PDIA4: variants seen among roughly 807,000 people sequenced by gnomAD.
PDIA4 encodes the protein protein disulfide isomerase family A member 4, also known as protein disulfide-isomerase A4.
PDIA4 carries 33 observed loss-of-function variants against 62.1 expected under a neutral mutation model. The observed-to-expected ratio is 0.53, with a 90% CI of 0.40 to 0.71. The LOEUF is 0.71. Among genes scored for constraint, PDIA4 ranks in the 30% least tolerant of loss-of-function variants. The pLI is 0.00. For missense variants in PDIA4, 804 were observed against 813.6 expected (o/e 0.99, Z 0.14); for synonymous variants, 341 against 324.1 (o/e 1.05, Z -0.56).
rs1259076513 is a variant in PDIA4, at chr7:149,003,944, C to G, written c.1788G>C (p.Lys596Asn). 1.9e-6 allele frequency: 3 copies of G among 1,613,742 alleles called. No individual in the cohort carries two copies. Among genetic ancestry groups the G allele is most frequent in the Non-Finnish European group, 2.5e-6 (3 of 1,179,710 alleles). ...TANDVPSDRY[K>N]VEGFPTIYFA... ...AGTAGATGGTGGGGAAGCCCTCCAC[C>G]TTATAGCGGTCGCTGGGGACGTCGT... is the stretch of plus-strand genomic sequence containing the variant. Residue 596 changes from lysine to asparagine, a missense_variant, in exon 10 of 10, where the codon AAG becomes AAC. Coordinates refer to ENST00000652332, the MANE Select transcript of PDIA4 (RefSeq NM_004911.5).
At chr7:149,008,352 T>A (rs961168726) in intron 6 of PDIA4, 42 bp from the exon 7 acceptor site, 1 of 1,583,142 alleles carries the variant, frequency 6.3e-7, no homozygotes, top group Non-Finnish European at 8.6e-7. Flanking sequence ...GAAAATTGCC[T>A]AAATGTCTGA....
intron 3 of PDIA4, among the ~76,000 whole-genome samples, chr7:149,018,135 A>G (rs1444073710): frequency 2.0e-5 from 3 of 152,112 alleles, no homozygotes; most frequent in Admixed American, 2.0e-4. Flanking sequence ...AGCCTGAGGC[A>G]GAAGAATCGC....
chr7:149,021,233 G>A (rs190197492), intron 1 of PDIA4, 86 bp from the exon 2 acceptor site: 9 of 1,375,604 alleles, frequency 6.5e-6, no homozygotes, highest in Non-Finnish European at 8.9e-6. Context: ...GCTCACACTT[G>A]TAATCCCAGC....
chr7:149,014,278 C>T (rs1824052419), intron 4 of PDIA4, among the ~76,000 whole-genome samples: 1 of 152,090 alleles, frequency 6.6e-6, no homozygotes, highest in Non-Finnish European at 1.5e-5. Flanking sequence ...CAAAAGCTTC[C>T]TCTGCTTACT....
intron 4 of PDIA4, among the ~76,000 whole-genome samples, chr7:149,014,052 T>TC (rs1824043403): frequency 6.6e-6 from 1 of 152,156 alleles, no homozygotes; most frequent in Non-Finnish European, 1.5e-5. Flanking sequence ...CCAGATCATT[T>TC]CCTTCTCTAA....
intron 1 of PDIA4, among the ~76,000 whole-genome samples, chr7:149,022,312 A>C (rs1824380641): frequency 6.6e-6 from 1 of 152,232 alleles, no homozygotes; most frequent in African/African-American, 2.4e-5. Flanking sequence ...ACATGTATCA[A>C]AAATCACACC....
chr7:149,010,823 G>A lies in PDIA4; in HGVS notation c.979+1023C>T, dbSNP rs141557909. Among the ~76,000 whole-genome samples the A allele has an allele frequency of 5.7e-4, 87 of 152,298 alleles. 2 individuals are homozygous for A. The highest frequency in any genetic ancestry group is 1.9e-3 in the African/African-American group (79 of 41,566). ...TAGGAATGTGGTGCCAGGCCTGCCT[G>A]GGACCCACAGCACTGGAACCTGCAT... On this transcript the variant is annotated intron_variant, in intron 6 of 9. Transcript: ENST00000652332.
intron 4 of PDIA4, among the ~76,000 whole-genome samples, chr7:149,014,222 C>A (rs1178508423): frequency 6.6e-6 from 1 of 152,188 alleles, no homozygotes; most frequent in Non-Finnish European, 1.5e-5. Flanking sequence ...CCACCCACCC[C>A]CCGGCCTGTG....
chr7:149,006,724 G>T (rs1823770011), intron 7 of PDIA4, among the ~76,000 whole-genome samples: 1 of 152,228 alleles, frequency 6.6e-6, no homozygotes, highest in South Asian at 2.1e-4. Flanking sequence ...GACAGCACTG[G>T]AGGGTGGGAT....
Position 149,012,279 on chromosome 7 carries a change from C to T in PDIA4, c.696G>A (p.Leu232=). Residue 232 remains leucine (L), a synonymous_variant, in exon 5 of 10, where the codon CTG becomes CTA. Coordinates refer to ENST00000652332, the MANE Select transcript of PDIA4 (RefSeq NM_004911.5). The part of the protein sequence containing the change: ...ELSKRSPPIP[L]AKVDATAETD... ...TTTCTGCGGTGGCGTCGACCTTTGC[C>T]AGGGGAATTGGAGGAGAACGCTTGC... 3 of 1,614,106 alleles carry T rather than the reference C, an allele frequency of 1.9e-6. No homozygotes were observed. Among genetic ancestry groups the T allele is most frequent in the Non-Finnish European group, 2.5e-6 (3 of 1,180,010 alleles).
intron 3 of PDIA4, among the ~76,000 whole-genome samples, chr7:149,015,969 C>G (rs190873831): frequency 6.6e-6 from 1 of 152,230 alleles, no homozygotes; most frequent in Non-Finnish European, 1.5e-5. Context: ...GACCTCCAAA[C>G]GCATATGCCT....
intron 1 of PDIA4, chr7:149,027,776 G>A (rs1020664176): frequency 2.9e-5 from 13 of 449,616 alleles, no homozygotes; most frequent in African/African-American, 2.6e-4. Flanking sequence ...GGTATCTCTA[G>A]TTTCTCAAAG....
Position 149,014,936 on chromosome 7 carries a change from T to C in PDIA4, c.582A>G (p.Ala194=), listed in dbSNP as rs780958070. Residue 194 remains alanine, a synonymous_variant, in exon 4 of 10, where the codon GCA becomes GCG. Transcript: ENST00000652332. ...CATAAAACTCCACCAGAATGATATC[T>C]GCATCATTCACAACTTCATCAAAGT... ...KENFDEVVND[A]DIILVEFYAP... 2 of 1,613,678 alleles carry C rather than the reference T, an allele frequency of 1.2e-6. No individual in the cohort carries two copies. The highest frequency in any genetic ancestry group is 1.1e-5 in the South Asian group (1 of 91,078).
rs142032316 is a variant in PDIA4 at position 149,008,256 on chromosome 7, G to A, written c.1034C>T (p.Ala345Val). ...KFHHTFSTEIAKFLKVSQGQL... is the reference protein window; with the variant it reads ...KFHHTFSTEIVKFLKVSQGQL... ...CCCCTGGGAGACTTTCAAGAACTTT[G>A]CTATTTCTGTGCTGAAAGTGTGGTG... Residue 345 changes from alanine to valine, a missense_variant, in exon 7 of 10, where the codon GCA becomes GTA. Transcript: ENST00000652332. The A allele has an allele frequency of 2.5e-6, 4 of 1,613,944 alleles. No individual in the cohort carries two copies. Among genetic ancestry groups the A allele is most frequent in the Non-Finnish European group, 3.4e-6 (4 of 1,179,872 alleles).
chr7:149,019,051 G>T lies in PDIA4; in HGVS notation c.416C>A (p.Thr139Asn). The T allele has an allele frequency of 6.2e-6, 10 of 1,613,750 alleles. No homozygotes were observed. In the South Asian group the frequency reaches 9.9e-5, roughly 16 times the overall value. The change falls in exon 3 of 10, where the codon ACC (threonine) becomes AAC (asparagine). Residue 139 changes from threonine to asparagine, a missense_variant. Thr to Asn is a moderately conservative substitution (Grantham distance 65). Coordinates refer to ENST00000652332, the MANE Select transcript of PDIA4 (RefSeq NM_004911.5). ...ASRFDVSGYPTIKILKKGQAV... is the reference protein window; with the variant it reads ...ASRFDVSGYPNIKILKKGQAV... ...CTGCCCCTTCTTAAGGATCTTGATG[G>T]TGGGGTAGCCACTCACATCAAACCT...
intron 2 of PDIA4, among the ~76,000 whole-genome samples, chr7:149,020,422 G>A (rs934183179): frequency 5.3e-5 from 8 of 152,214 alleles, no homozygotes; most frequent in African/African-American, 1.9e-4. Context: ...GAGAAGGGAT[G>A]AGAGGGACAC....
Position 149,006,034 on chromosome 7 carries a change from G to A in PDIA4, c.1151C>T (p.Ala384Val), listed in dbSNP as rs1196882070. 1.3e-6 allele frequency: 2 copies of A among 1,564,546 alleles called. No homozygotes were observed. Among genetic ancestry groups the A allele is most frequent in the South Asian group, 2.4e-5 (2 of 82,702 alleles). The part of the protein sequence containing the change: ...MDVQGSTQDS[A>V]IKDFVLKYAL... ...GTACTTCAGCACGAAGTCCTTGATGGCCGAGTCCTGGGTGGAGCCCTGCTT... is the reference window on the plus strand; with the variant it reads ...GTACTTCAGCACGAAGTCCTTGATGACCGAGTCCTGGGTGGAGCCCTGCTT... The change falls in exon 8 of 10, where the codon GCC becomes GTC. Residue 384 changes from alanine (A) to valine (V), a missense_variant. By Grantham distance (64) the Ala-to-Val change is moderately conservative (BLOSUM62 0). Transcript: ENST00000652332.
chr7:149,013,950 A>G (rs1191149513), intron 4 of PDIA4, among the ~76,000 whole-genome samples: 1 of 152,100 alleles, frequency 6.6e-6, no homozygotes, highest in Non-Finnish European at 1.5e-5. Flanking sequence ...CCAGGGCCCC[A>G]TGCATAGCGA....
intron 7 of PDIA4, chr7:149,006,379 G>A (rs1050719867): frequency 2.0e-5 from 5 of 250,610 alleles, no homozygotes; most frequent in Admixed American, 6.0e-5. Flanking sequence ...GGGTTATCAC[G>A]GGCTGGGCTG....
Sources: allele counts gnomAD v4.1 joint callset (sites outside exome capture counted in the v4.1 genomes callset), GRCh38; gene constraint gnomAD v4.1.1; transcripts MANE v1.5; gene names NCBI Gene and HGNC (gene_info 2026-07-23, HGNC 2026-07-21).